KCNIP4: variants seen among roughly 807,000 people sequenced by gnomAD.
KCNIP4 encodes the protein Kv channel-interacting protein 4.
Under a neutral mutation model 34.0 loss-of-function variants are expected in KCNIP4, and 12 were observed. The observed-to-expected ratio is 0.35, with a 90% CI of 0.23 to 0.57. The LOEUF (loss-of-function observed/expected upper bound fraction) is 0.57, where lower values mean the gene tolerates loss of function less well. KCNIP4 is among the 20% of genes least tolerant of loss of function. KCNIP4 has a pLI of 0.83. For synonymous variants in KCNIP4, 124 were observed against 102.2 expected, an observed-to-expected ratio of 1.21 and a Z score of -1.29; for missense variants, 238 against 311.7, an observed-to-expected ratio of 0.76 and a Z score of 1.78.
intron 1 of KCNIP4, among the ~76,000 whole-genome samples, chr4:21,523,609 T>A (rs1195132845): frequency 6.6e-6 from 1 of 152,014 alleles, no homozygotes; most frequent in Admixed American, 6.6e-5. Context: ...TCAGTCTCTA[T>A]CACCCAGGTT....
At chr4:21,356,760 C>A (rs1030923025) in intron 1 of KCNIP4, among the ~76,000 whole-genome samples, 3 of 151,992 alleles carry the variant, frequency 2.0e-5, no homozygotes, top group African/African-American at 7.2e-5. Flanking sequence ...TTTATAGATT[C>A]AATGCCATCC....
At chr4:21,722,695 G>C (rs1157557591) in intron 1 of KCNIP4, among the ~76,000 whole-genome samples, 4 of 152,144 alleles carry the variant, frequency 2.6e-5, no homozygotes, top group Non-Finnish European at 1.5e-5. Context: ...TGCCGTGCTA[G>C]AGGGAGCGGA....
chr4:21,231,339 A>G (rs1253405658), intron 1 of KCNIP4, among the ~76,000 whole-genome samples: 1 of 152,198 alleles, frequency 6.6e-6, no homozygotes, highest in Non-Finnish European at 1.5e-5. Context: ...AAACTTTTAC[A>G]TTCTTTGTAT....
intron 1 of KCNIP4, among the ~76,000 whole-genome samples, chr4:21,070,321 G>C (rs1744775894): frequency 2.6e-5 from 4 of 151,994 alleles, no homozygotes; most frequent in Admixed American, 2.6e-4. Flanking sequence ...GTGTGTCTAG[G>C]TTTTCATTTC....
intron 1 of KCNIP4, among the ~76,000 whole-genome samples, chr4:21,439,161 CAAAAA>C (rs76317670): frequency 2.1e-5 from 2 of 93,238 alleles, no homozygotes; most frequent in East Asian, 3.9e-4. Context: ...TAATCTGTCT[CAAAAA>C]AAAAAAAAAA....
At chr4:21,529,277 CTG>C (rs1736461340) in intron 1 of KCNIP4, among the ~76,000 whole-genome samples, 1 of 152,124 alleles carries the variant, frequency 6.6e-6, no homozygotes, top group Non-Finnish European at 1.5e-5. Flanking sequence ...ATAATACAAA[CTG>C]TGCAACTGCA....
At chr4:21,540,749 C>T (rs555835632) in intron 1 of KCNIP4, among the ~76,000 whole-genome samples, 2 of 152,148 alleles carry the variant, frequency 1.3e-5, no homozygotes, top group African/African-American at 2.4e-5. Context: ...TACATATTAT[C>T]ACCTCACAGG....
At chr4:21,016,654 C>A (rs139054695) in intron 1 of KCNIP4, among the ~76,000 whole-genome samples, 2 of 151,848 alleles carry the variant, frequency 1.3e-5, no homozygotes, top group Non-Finnish European at 2.9e-5. Flanking sequence ...ACACGGTTGC[C>A]TAGGCTGGAG....
chr4:21,925,506 C>T (rs187561900), intron 1 of KCNIP4, among the ~76,000 whole-genome samples: 135 of 152,176 alleles, frequency 8.9e-4, no homozygotes, highest in African/African-American at 2.2e-3. Context: ...AGGTTGGTTC[C>T]AAGTCTTTGC....
At chr4:21,541,972 GT>G (rs1737737103) in intron 1 of KCNIP4, among the ~76,000 whole-genome samples, 2 of 152,136 alleles carry the variant, frequency 1.3e-5, no homozygotes, top group Admixed American at 1.3e-4. Flanking sequence ...AAGTAAGATA[GT>G]TTAACTATAA....
chr4:21,023,923 C>A (rs1028071897), intron 1 of KCNIP4, among the ~76,000 whole-genome samples: 1 of 151,984 alleles, frequency 6.6e-6, no homozygotes, highest in Non-Finnish European at 1.5e-5. Flanking sequence ...GTTAGCACTT[C>A]ACACTCAGTA....
At chr4:21,944,254 G>A (rs1283410923) in intron 1 of KCNIP4, among the ~76,000 whole-genome samples, 1 of 151,948 alleles carries the variant, frequency 6.6e-6, no homozygotes, top group East Asian at 1.9e-4. Flanking sequence ...TGTCATAAAA[G>A]GAGATCTGGC....
In KCNIP4 at chr4:21,811,680, T is replaced by A. The variant is rs148602473; in HGVS notation, c.61+136891A>T. The stretch of plus-strand genomic sequence containing the variant: ...ATCTGAGTGGCATATTTGTTTTTCT[T>A]TTCCTTCCTGTAAGACTAAATGAAT... On this transcript the variant is annotated intron_variant, in intron 1 of 8. Transcript: ENST00000382152. Among the ~76,000 whole-genome samples, 14 of 152,326 alleles carry A rather than the reference T, an allele frequency of 9.2e-5. No homozygotes were observed. In the East Asian group the frequency reaches 2.3e-3, roughly 25 times the overall value.
chr4:21,485,456 T>C (rs986419618), intron 1 of KCNIP4, among the ~76,000 whole-genome samples: 26 of 152,172 alleles, frequency 1.7e-4, no homozygotes, highest in African/African-American at 6.3e-4. Context: ...TATATTCAGA[T>C]AACATTTTGC....
rs142250010 is a variant in KCNIP4, at chr4:20,989,994, C to T, written c.62-107285G>A. Among the ~76,000 whole-genome samples, 276 of 152,122 alleles carry T rather than the reference C, an allele frequency of 1.8e-3. 2 individuals carry two copies. In the East Asian group the frequency reaches 0.023, roughly 13 times the overall value. On this transcript the variant is annotated intron_variant, in intron 1 of 8. Transcript: ENST00000382152. Reference sequence around the variant, plus strand: ...AAAACAAAACAAAAGACAGCATTCACGACAGTGGTAAAGCCAGATTGAGAC... The same window carrying T: ...AAAACAAAACAAAAGACAGCATTCATGACAGTGGTAAAGCCAGATTGAGAC...
At chr4:21,007,173 T>A (rs1466022022) in intron 1 of KCNIP4, among the ~76,000 whole-genome samples, 1 of 152,184 alleles carries the variant, frequency 6.6e-6, no homozygotes, top group Non-Finnish European at 1.5e-5. Context: ...CATTGGTGAT[T>A]TTTAAAGATC....
intron 1 of KCNIP4, among the ~76,000 whole-genome samples, chr4:21,539,317 T>C (rs549530566): frequency 6.6e-6 from 1 of 152,234 alleles, no homozygotes; most frequent in South Asian, 2.1e-4. Flanking sequence ...TTCCATCACC[T>C]CAGCTAAAGT....
chr4:21,177,067 T>C (rs1053513970), intron 1 of KCNIP4, among the ~76,000 whole-genome samples: 1 of 152,158 alleles, frequency 6.6e-6, no homozygotes, highest in African/African-American at 2.4e-5. Context: ...ACTTAATTGA[T>C]AGGAATTCCA....
rs535737106 is a variant in KCNIP4, at chr4:20,975,809, T to C, written c.62-93100A>G. 1.1e-4 allele frequency among the ~76,000 whole-genome samples: 16 copies of C among 152,328 alleles called. No individual in the cohort carries two copies. In the South Asian group the frequency reaches 2.9e-3, roughly 28 times the overall value. The stretch of plus-strand genomic sequence containing the variant: ...GTCTATTCTCAATTTTGGTATCACC[T>C]GCCAGCTAAACATTGTTTCACATGT... On this transcript the variant is annotated intron_variant, in intron 1 of 8. Transcript: ENST00000382152.
Sources: gnomAD v4.1 joint callset for allele counts (sites outside exome capture counted in the v4.1 genomes callset) on GRCh38, gnomAD v4.1.1 for gene constraint, MANE v1.5 for transcripts, NCBI Gene and HGNC (gene_info 2026-07-23, HGNC 2026-07-21) for gene names.